AFDN: variants seen among roughly 807,000 people sequenced by gnomAD.
AFDN encodes the protein afadin, adherens junction formation factor, also known as afadin.
Under a neutral mutation model 216.6 loss-of-function variants are expected in AFDN, and 68 were observed. That is an observed-to-expected ratio of 0.31 (90% CI 0.26 to 0.38). AFDN has a LOEUF of 0.38. Among genes scored for constraint, AFDN ranks in the 10% least tolerant of loss-of-function variants. The pLI is 1.00. For synonymous variants in AFDN, 868 were observed against 853.7 expected (o/e 1.02, Z -0.29); for missense variants, 2,136 against 2,342.0 (o/e 0.91, Z 1.82).
chr6:167,925,368 T>C (rs896249050), intron 23 of AFDN, among the ~76,000 whole-genome samples: 1 of 152,184 alleles, frequency 6.6e-6, no homozygotes, highest in African/African-American at 2.4e-5. Flanking sequence ...TTTAAAGGCA[T>C]AGTCAAAACT....
chr6:167,901,698 A>G lies in AFDN; in HGVS notation c.1581-619A>G, dbSNP rs563183411. 2.0e-5 allele frequency among the ~76,000 whole-genome samples: 3 copies of G among 152,198 alleles called. No individual in the cohort carries two copies. The East Asian group carries it at 5.8e-4, about 29-fold the overall frequency. ...CATAAATAGGGCCGCCGGCACTTCAACCTTGTACACCTCATTTATATGCCA... is the reference window on the plus strand; with the variant it reads ...CATAAATAGGGCCGCCGGCACTTCAGCCTTGTACACCTCATTTATATGCCA... On this transcript the variant is annotated intron_variant, in intron 11 of 33. Transcript: ENST00000683244.
chr6:167,967,543 T>C (rs988301522), intron 32 of AFDN, among the ~76,000 whole-genome samples: 7 of 152,172 alleles, frequency 4.6e-5, no homozygotes, highest in African/African-American at 1.7e-4. Flanking sequence ...CTCCTTGTAT[T>C]GAATTTTATA....
Position 167,951,820 on chromosome 6 carries a change from A to G in AFDN, c.4466A>G (p.Gln1489Arg). Residue 1489 changes from glutamine (Q) to arginine (R), a missense_variant, in exon 30 of 34, where the codon CAG becomes CGG. Physicochemically the swap from Gln to Arg is conservative, Grantham distance 43. This residue lies in a region of AFDN where 981 missense variants were observed against 966.0 expected (regional missense o/e 1.02). Transcript: ENST00000683244. The surrounding 1 kb of genome is among the most constrained non-coding windows in gnomAD (Gnocchi z 7.1). ...CAGGAAACAGTCATTCGGGAGCTGC[A>G]GCCTCAGCAGCAGCCCCGCACGATC... ...RPQETVIRELQPQQQPRTIER... is the reference protein window; with the variant it reads ...RPQETVIRELRPQQQPRTIER... 1.2e-6 allele frequency: 2 copies of G among 1,614,164 alleles called. No individual in the cohort carries two copies. Among genetic ancestry groups the G allele is most frequent in the Non-Finnish European group, 1.7e-6 (2 of 1,180,038 alleles).
chr6:167,891,489 ATATCTT>A (rs948832598), intron 8 of AFDN, among the ~76,000 whole-genome samples: 11 of 151,086 alleles, frequency 7.3e-5, no homozygotes, highest in Non-Finnish European at 1.6e-4. Context: ...TCTAAAAAGA[ATATCTT>A]TAAATTTTAT....
chr6:167,954,572 T>C, intron 30 of AFDN: 1 of 1,308,230 alleles, frequency 7.6e-7, no homozygotes, highest in Non-Finnish European at 1.1e-6. Flanking sequence ...TGTTTGATGT[T>C]TTCAGTAGAT....
intron 3 of AFDN, among the ~76,000 whole-genome samples, chr6:167,871,376 T>C (rs1350832401): frequency 6.6e-6 from 1 of 152,204 alleles, no homozygotes; most frequent in Non-Finnish European, 1.5e-5. Flanking sequence ...TCTTTCATTC[T>C]GTATATTTTG....
At chr6:167,956,413 TG>T (rs1252085198) in intron 30 of AFDN, among the ~76,000 whole-genome samples, 1 of 152,134 alleles carries the variant, frequency 6.6e-6, no homozygotes, top group African/African-American at 2.4e-5. Context: ...CTCTTCCCTC[TG>T]GTCTCTTTGT....
At chr6:167,915,544 T>A (rs928301042) in intron 19 of AFDN, 111 bp downstream of exon 19, 10 of 1,284,618 alleles carry the variant, frequency 7.8e-6, no homozygotes, top group Middle Eastern at 2.5e-4. Context: ...CTTTTTGGGG[T>A]TTTTCGTATG....
At chr6:167,833,658 A>G (rs573898527) in intron 1 of AFDN, among the ~76,000 whole-genome samples, 10 of 152,004 alleles carry the variant, frequency 6.6e-5, no homozygotes, top group South Asian at 2.1e-4. Context: ...AATTCTGTCA[A>G]TTTTTTCACT....
chr6:167,866,084 A>G (rs1351910646), intron 2 of AFDN, among the ~76,000 whole-genome samples: 1 of 152,196 alleles, frequency 6.6e-6, no homozygotes, highest in African/African-American at 2.4e-5. Flanking sequence ...TAAATAGGTT[A>G]CAAAGAAGAA....
chr6:167,924,107 AT>A (rs1157998747), intron 22 of AFDN, among the ~76,000 whole-genome samples: 3 of 147,064 alleles, frequency 2.0e-5, no homozygotes, highest in Non-Finnish European at 1.5e-5. Context: ...AAAAAAAAAA[AT>A]AATAATTCTA....
chr6:167,956,611 CTT>C (rs1459324202), intron 30 of AFDN, among the ~76,000 whole-genome samples: 1 of 152,168 alleles, frequency 6.6e-6, no homozygotes, highest in African/African-American at 2.4e-5. Context: ...TCAAGTAAGA[CTT>C]TTGGAATGCA....
At chr6:167,948,121 A>C (rs1303794615) in intron 28 of AFDN, 172 bp from the exon 29 acceptor site, 1 of 783,200 alleles carries the variant, frequency 1.3e-6, no homozygotes, top group African/African-American at 1.8e-5. Flanking sequence ...TCAGTTTTAA[A>C]TTAATAAGTC....
chr6:167,869,610 G>T (rs1784574569), intron 2 of AFDN, among the ~76,000 whole-genome samples: 3 of 152,248 alleles, frequency 2.0e-5, no homozygotes, highest in African/African-American at 4.8e-5. Context: ...CCTAGGATGG[G>T]TGTCTTGGCC....
chr6:167,867,488 G>A (rs1784315380), intron 2 of AFDN, among the ~76,000 whole-genome samples: 2 of 148,978 alleles, frequency 1.3e-5, no homozygotes, highest in Non-Finnish European at 3.0e-5. Context: ...GGAGTGCAGC[G>A]GCATGATCTT....
At chr6:167,868,094 A>G (rs761179193) in intron 2 of AFDN, among the ~76,000 whole-genome samples, 6 of 152,118 alleles carry the variant, frequency 3.9e-5, no homozygotes, top group African/African-American at 9.7e-5. Context: ...ACCTGGTCAT[A>G]TAGTCTCTGG....
At chr6:167,906,612 T>C (rs569354998) in intron 12 of AFDN, among the ~76,000 whole-genome samples, 78 of 152,312 alleles carry the variant, frequency 5.1e-4, no homozygotes, top group African/African-American at 1.8e-3. Flanking sequence ...ATGGTTAGAA[T>C]TGTATACTTT....
intron 31 of AFDN, chr6:167,963,309 C>T (rs9364373): frequency 0.32 from 341,753 of 1,061,622 alleles, 55,807 homozygotes; most frequent in East Asian, 0.62. Context: ...CTGTTTCATC[C>T]CGAGGGGACT....
At chr6:167,890,718 G>C (rs908961353) in intron 7 of AFDN, 144 bp from the exon 8 acceptor site, 2 of 626,054 alleles carry the variant, frequency 3.2e-6, no homozygotes, top group African/African-American at 3.8e-5. Flanking sequence ...TATGAATTGG[G>C]TAAGCTGTAC....
Sources: allele counts gnomAD v4.1 joint callset (sites outside exome capture counted in the v4.1 genomes callset), GRCh38; gene constraint gnomAD v4.1.1; regional missense constraint gnomAD v4.1.1; non-coding constraint Gnocchi (gnomAD v3.1); transcripts MANE v1.5; gene names NCBI Gene and HGNC (gene_info 2026-07-23, HGNC 2026-07-21).